BCORL1: variants seen among roughly 807,000 people sequenced by gnomAD.
The protein encoded by BCORL1 is BCL6 corepressor like 1.
BCORL1 carries 7 observed loss-of-function variants against 87.6 expected under a neutral mutation model. That is an observed-to-expected ratio of 0.08 (90% CI 0.05 to 0.15). The LOEUF (loss-of-function observed/expected upper bound fraction) is 0.15, where lower values mean the gene tolerates loss of function less well. Among genes scored for constraint, BCORL1 ranks in the 10% least tolerant of loss-of-function variants. The pLI is 1.00. For missense variants in BCORL1, 1,215 were observed against 1,499.7 expected (o/e 0.81, Z 3.13); for synonymous variants, 591 against 634.4 (o/e 0.93, Z 1.03).
Position 130,056,888 on chromosome X carries a change from C to T in BCORL1, c.*752C>T, listed in dbSNP as rs1230752970. ...ACCCACCCATTCCCGCCCTTTGCAG[C>T]AGCCCCGCTATCTTGAGATTAGTGT... is the stretch of plus-strand genomic sequence containing the variant. On this transcript the variant is annotated 3_prime_UTR_variant, in exon 14 of 14. Transcript: ENST00000540052. 9.6e-6 allele frequency: 1 copy of T among 104,617 alleles called. No individual in the cohort carries two copies. The highest frequency in any genetic ancestry group is 3.5e-5 in the African/African-American group (1 of 28,324). The allele number at this position is 104,617 out of a possible 1,213,427, so 8.6% of individuals were successfully genotyped here.
chrX:129,994,668 T>C (rs1927422497), intron 1 of BCORL1, among the ~76,000 whole-genome samples: 1 of 111,844 alleles, frequency 8.9e-6, no homozygotes, highest in Non-Finnish European at 1.9e-5. Flanking sequence ...AAGGGGTCCA[T>C]GCTAGACCTA....
intron 11 of BCORL1, among the ~76,000 whole-genome samples, chrX:130,046,480 G>T (rs1445267017): frequency 9.2e-6 from 1 of 109,200 alleles, no homozygotes; most frequent in Non-Finnish European, 1.9e-5. Context: ...CGCCTCCCAG[G>T]TTTAAGTGAT....
chrX:130,009,670 A>G (rs1928805413), intron 2 of BCORL1, among the ~76,000 whole-genome samples: 1 of 109,970 alleles, frequency 9.1e-6, no homozygotes, highest in African/African-American at 3.3e-5. Flanking sequence ...CAGTGGTGCT[A>G]GCCCTTAATA....
Position 130,032,687 on chromosome X carries a change from A to T in BCORL1, c.4306-1768A>T, listed in dbSNP as rs145421310. Among the ~76,000 whole-genome samples, 978 of 110,855 alleles carry T rather than the reference A, an allele frequency of 8.8e-3. 7 individuals are homozygous for T. The highest frequency in any genetic ancestry group is 0.03 in the African/African-American group (911 of 30,463). ...TATGCCACCTCTCCCAGTGCCCCCC[A>T]AAGCTTCATCCAATTATAGCATCAC... On this transcript the variant is annotated intron_variant, in intron 8 of 13. Coordinates refer to ENST00000540052, the MANE Select transcript of BCORL1 (RefSeq NM_001379451.1).
chrX:130,003,727 A>G (rs772359268), intron 1 of BCORL1, among the ~76,000 whole-genome samples: 1 of 111,871 alleles, frequency 8.9e-6, no homozygotes, highest in Non-Finnish European at 1.9e-5. Context: ...GCTATGACAT[A>G]GAAGTATTCA....
chrX:130,021,524 G>A (rs1929815287), intron 5 of BCORL1, among the ~76,000 whole-genome samples: 1 of 112,236 alleles, frequency 8.9e-6, no homozygotes, highest in Non-Finnish European at 1.9e-5. Flanking sequence ...GGGTATACTG[G>A]AAAACTGCTA....
chrX:130,039,377 A>G (rs1010729385), intron 11 of BCORL1, 95 bp downstream of exon 11: 4 of 1,049,376 alleles, frequency 3.8e-6, no homozygotes, highest in African/African-American at 1.8e-5. Context: ...TCCACCTTGA[A>G]CAGCTCCCAT....
chrX:129,993,937 C>CT (rs1049670879), intron 1 of BCORL1, among the ~76,000 whole-genome samples: 2 of 109,913 alleles, frequency 1.8e-5, no homozygotes, highest in African/African-American at 6.6e-5. Context: ...GATGCCCCCC[C>CT]ACCATGCCCA....
At chrX:130,021,401 C>T in intron 5 of BCORL1, 1 of 429,279 alleles carries the variant, frequency 2.3e-6, no homozygotes, top group Non-Finnish European at 2.9e-6. Context: ...ACACCAGGCC[C>T]ACAACACAGT....
rs749188963 is a variant in BCORL1 at position 130,005,287 on chromosome X, G to A, written c.56G>A (p.Arg19Gln). Residue 19 changes from arginine (R) to glutamine (Q), a missense_variant, in exon 2 of 14, where the codon CGG (arginine) becomes CAG (glutamine). Physicochemically the swap from Arg to Gln is conservative, Grantham distance 43. Around this residue, in one of 5 missense-constraint regions of BCORL1, gnomAD observed 861 missense variants for 1,010.0 expected, o/e 0.85. Transcript: ENST00000540052. ...GTGCACAACTGGACCAGTTCTGACC[G>A]GATTCGCATGTGTGGCATCAACGAG... The part of the protein sequence containing the change: ...SGVHNWTSSD[R>Q]IRMCGINEER... The A allele has an allele frequency of 9.9e-6, 12 of 1,211,672 alleles. No individual in the cohort carries two copies. Among genetic ancestry groups the A allele is most frequent in the Admixed American group, 6.5e-5 (3 of 46,025 alleles).
chrX:129,995,736 G>C (rs758619673), intron 1 of BCORL1, among the ~76,000 whole-genome samples: 1 of 111,449 alleles, frequency 9.0e-6, no homozygotes, highest in African/African-American at 3.3e-5. Flanking sequence ...CACTACACCC[G>C]GCCAGAACGG....
At chrX:130,019,790 C>A (rs192154800) in intron 4 of BCORL1, among the ~76,000 whole-genome samples, 54 of 112,385 alleles carry the variant, frequency 4.8e-4, no homozygotes, top group East Asian at 5.6e-4. Flanking sequence ...GCAAGTTTAA[C>A]CCTTCCTTTC....
intron 11 of BCORL1, among the ~76,000 whole-genome samples, chrX:130,048,619 G>A (rs1237515038): frequency 8.9e-6 from 1 of 112,102 alleles, no homozygotes; most frequent in African/African-American, 3.2e-5. Flanking sequence ...TGTCTGTAGA[G>A]CAAGTAAACA....
chrX:130,034,011 C>T (rs1376075167), intron 8 of BCORL1, among the ~76,000 whole-genome samples: 2 of 111,363 alleles, frequency 1.8e-5, no homozygotes, highest in Non-Finnish European at 3.8e-5. Flanking sequence ...ATAGCTGTCT[C>T]ATTTCTCTTT....
chrX:130,028,512 A>T, intron 7 of BCORL1, 123 bp from the exon 8 acceptor site: 1 of 560,625 alleles, frequency 1.8e-6, no homozygotes, highest in Non-Finnish European at 3.0e-6. Flanking sequence ...GATAGCTGAT[A>T]GTTATACAAC....
chrX:130,056,152 C>T lies in BCORL1; in HGVS notation c.*16C>T. ...CAACAGTTGACCGGGAAAACAGCCC[C>T]TCCTCTTCTTTCTCCTTCCGAGTTC... On this transcript the variant is annotated 3_prime_UTR_variant, in exon 14 of 14. Coordinates refer to ENST00000540052, the MANE Select transcript of BCORL1 (RefSeq NM_001379451.1). 1 of 1,149,121 alleles carries T rather than the reference C, an allele frequency of 8.7e-7. No individual in the cohort carries two copies. The allele number at this position is 1,149,121 out of a possible 1,213,427, so 94.7% of individuals were successfully genotyped here. A position where few individuals can be genotyped will look rare whatever the true frequency, so the allele number is the denominator to read the frequency against.
intron 8 of BCORL1, among the ~76,000 whole-genome samples, chrX:130,030,377 C>CGCTCTTAATTCCCGCAGTG (rs1227785307): frequency 9.0e-6 from 1 of 111,610 alleles, no homozygotes; most frequent in African/African-American, 3.3e-5. Context: ...TTCACGTTAT[C>CGCTCTTAATTCCCGCAGTG]GCTCTTAATT....
intron 10 of BCORL1, among the ~76,000 whole-genome samples, chrX:130,038,601 C>T (rs1307071681): frequency 9.0e-6 from 1 of 110,589 alleles, no homozygotes. Flanking sequence ...CCTGCCTCAG[C>T]CTTCTGAGTA....
At chrX:129,987,522 G>C (rs1016742518) in intron 1 of BCORL1, among the ~76,000 whole-genome samples, 1 of 111,808 alleles carries the variant, frequency 8.9e-6, no homozygotes, top group Non-Finnish European at 1.9e-5. Flanking sequence ...ATACTGAATG[G>C]GGGGAGGGAT....
Sources: gnomAD v4.1 joint callset for allele counts (sites outside exome capture counted in the v4.1 genomes callset) on GRCh38, gnomAD v4.1.1 for gene constraint, gnomAD v4.1.1 regional missense constraint, MANE v1.5 for transcripts, NCBI Gene and HGNC (gene_info 2026-07-23, HGNC 2026-07-21) for gene names.